The following IREB2 variants were observed in gnomAD, a reference collection of about 807,000 sequenced individuals.
IREB2 encodes the protein iron-responsive element-binding protein 2.
In IREB2, 39 loss-of-function variants were observed where a neutral mutation model predicts 118.8. That is an observed-to-expected ratio of 0.33 (90% CI 0.25 to 0.43). The LOEUF (loss-of-function observed/expected upper bound fraction) is 0.43. Among genes scored for constraint, IREB2 ranks in the 20% least tolerant of loss-of-function variants. The pLI, the probability that IREB2 is intolerant of heterozygous loss-of-function variation, is 1.00. For synonymous variants in IREB2, 372 were observed against 392.2 expected (o/e 0.95, Z 0.61); for missense variants, 900 against 1,147.3 (o/e 0.78, Z 3.11).
intron 2 of IREB2, among the ~76,000 whole-genome samples, chr15:78,449,945 C>T (rs1173597938): frequency 2.0e-5 from 3 of 152,178 alleles, no homozygotes; most frequent in Non-Finnish European, 4.4e-5. Context: ...CATCCCAGTT[C>T]CTCCATGGCG....
At chr15:78,447,682 T>C (rs901425503) in intron 2 of IREB2, among the ~76,000 whole-genome samples, 1 of 152,150 alleles carries the variant, frequency 6.6e-6, no homozygotes, top group African/African-American at 2.4e-5. Flanking sequence ...ACTCCTGACC[T>C]CAAGCAGTCT....
chr15:78,455,651 C>G lies in IREB2; in HGVS notation c.107-7271C>G, dbSNP rs184834636. Among the ~76,000 whole-genome samples, 4 of 152,040 alleles carry G rather than the reference C, an allele frequency of 2.6e-5. No homozygotes were observed. The South Asian group carries it at 6.2e-4, about 24-fold the overall frequency. On this transcript the variant is annotated intron_variant, in intron 2 of 21. Coordinates refer to ENST00000258886, the MANE Select transcript of IREB2 (RefSeq NM_004136.4). The stretch of plus-strand genomic sequence containing the variant: ...TAATTTACTCTCTATTGTTGTAACT[C>G]TTCTACTGGAATATCTACCTGTAGG...
At chr15:78,465,557 GT>G (rs1555407385) in intron 4 of IREB2, among the ~76,000 whole-genome samples, 169 bp downstream of exon 4, 1 of 152,126 alleles carries the variant, frequency 6.6e-6, no homozygotes, top group Non-Finnish European at 1.5e-5. Flanking sequence ...GAGTGGTGGG[GT>G]TTTTTTCATG....
At chr15:78,475,595 C>G (rs2051455382) in intron 8 of IREB2, 1 of 152,124 alleles carries the variant, frequency 6.6e-6, no homozygotes, top group Admixed American at 6.5e-5. Context: ...TGCAGTGGCT[C>G]ACACCTGTGG....
chr15:78,486,766 CTCAA>C (rs2051668138), intron 13 of IREB2, among the ~76,000 whole-genome samples: 1 of 152,270 alleles, frequency 6.6e-6, no homozygotes, highest in African/African-American at 2.4e-5. Context: ...ACCTCCTAGG[CTCAA>C]TCAGTCTTCC....
chr15:78,456,957 A>G (rs972590574), intron 2 of IREB2, among the ~76,000 whole-genome samples: 39 of 152,136 alleles, frequency 2.6e-4, no homozygotes, highest in Non-Finnish European at 1.2e-4. Flanking sequence ...TGAAAATGGT[A>G]ATTTGGCACT....
At chr15:78,489,066 A>G (rs2051707191) in intron 16 of IREB2, among the ~76,000 whole-genome samples, 1 of 152,126 alleles carries the variant, frequency 6.6e-6, no homozygotes, top group Non-Finnish European at 1.5e-5. Context: ...CTAAAAATAC[A>G]AAACAATTAG....
intron 2 of IREB2, among the ~76,000 whole-genome samples, chr15:78,461,107 C>T (rs1416021729): frequency 2.0e-5 from 3 of 152,154 alleles, no homozygotes; most frequent in Admixed American, 1.3e-4. Flanking sequence ...TCCTGATACA[C>T]CCTACCTAGG....
intron 2 of IREB2, among the ~76,000 whole-genome samples, chr15:78,451,494 C>T (rs73461573): frequency 0.035 from 5,364 of 152,154 alleles, 321 homozygotes; most frequent in African/African-American, 0.12. Flanking sequence ...AAGACTTGAC[C>T]TCAGCAGTTG....
chr15:78,460,147 C>T (rs1268370566), intron 2 of IREB2, among the ~76,000 whole-genome samples: 1 of 152,208 alleles, frequency 6.6e-6, no homozygotes, highest in African/African-American at 2.4e-5. Flanking sequence ...GCGCCATCCA[C>T]ATAAATCCTA....
intron 10 of IREB2, among the ~76,000 whole-genome samples, chr15:78,479,717 T>C (rs940723350): frequency 3.7e-4 from 57 of 152,232 alleles, no homozygotes; most frequent in African/African-American, 1.4e-3. Context: ...TACACTATTA[T>C]GCAGTCTTAC....
chr15:78,444,435 G>C (rs2050895579), intron 2 of IREB2, among the ~76,000 whole-genome samples: 1 of 152,132 alleles, frequency 6.6e-6, no homozygotes, highest in African/African-American at 2.4e-5. Context: ...AGGGCCTCTG[G>C]TGGTGTAAAG....
rs375964913 is a variant in IREB2, at chr15:78,499,170, C to T, written c.*1027C>T. On this transcript the variant is annotated 3_prime_UTR_variant, in exon 22 of 22. Coordinates refer to ENST00000258886, the MANE Select transcript of IREB2 (RefSeq NM_004136.4). ...GTCATTTTGAATCATTTATCACCTGCGATGCATGATTCTATTAATTTTGTT... is the reference window on the plus strand; with the variant it reads ...GTCATTTTGAATCATTTATCACCTGTGATGCATGATTCTATTAATTTTGTT... 2 of 152,122 alleles carry T rather than the reference C, an allele frequency of 1.3e-5. No homozygotes were observed. The highest frequency in any genetic ancestry group is 1.9e-4 in the East Asian group (1 of 5,200). 9.4% of individuals were successfully genotyped at this position (152,122 alleles called of 1,614,324 possible). A position where few individuals can be genotyped will look rare whatever the true frequency, so the allele number is the denominator to read the frequency against.
At chr15:78,482,298 A>G (rs997843455) in intron 10 of IREB2, among the ~76,000 whole-genome samples, 1 of 152,236 alleles carries the variant, frequency 6.6e-6, no homozygotes, top group African/African-American at 2.4e-5. Context: ...AAACAGGGAT[A>G]TAAAATAATG....
At chr15:78,494,110 T>G in intron 19 of IREB2, 32 bp from the exon 20 acceptor site, 1 of 1,612,828 alleles carries the variant, frequency 6.2e-7, no homozygotes, top group Non-Finnish European at 8.5e-7. Context: ...AAAATTTGTA[T>G]TAAAAAATTT....
intron 2 of IREB2, among the ~76,000 whole-genome samples, chr15:78,459,823 G>A (rs557278835): frequency 1.3e-5 from 2 of 151,310 alleles, no homozygotes; most frequent in South Asian, 4.2e-4. Context: ...CTCTTTTTTC[G>A]TGCCATTTTT....
At chr15:78,446,560 T>A (rs553592900) in intron 2 of IREB2, among the ~76,000 whole-genome samples, 1 of 152,292 alleles carries the variant, frequency 6.6e-6, no homozygotes, top group South Asian at 2.1e-4. Flanking sequence ...ACTCTTCTGC[T>A]TCCTCCACTT....
intron 15 of IREB2, 28 bp from the exon 16 acceptor site, chr15:78,488,619 G>A (rs2051698678): frequency 6.4e-7 from 1 of 1,571,892 alleles, no homozygotes; most frequent in Non-Finnish European, 8.6e-7. Context: ...TTTTTTTACT[G>A]AGTATCATGT....
At chr15:78,476,744 C>G (rs1218746458) in intron 9 of IREB2, 3 of 153,808 alleles carry the variant, frequency 2.0e-5, no homozygotes, top group Admixed American at 6.5e-5. Flanking sequence ...GGTTTGGGGA[C>G]CAGTCTTCTA....
Sources: gnomAD v4.1 joint callset for allele counts (sites outside exome capture counted in the v4.1 genomes callset) on GRCh38, gnomAD v4.1.1 for gene constraint, MANE v1.5 for transcripts, NCBI Gene and HGNC (gene_info 2026-07-23, HGNC 2026-07-21) for gene names.